The following ALK variants were observed in gnomAD, a reference collection of about 807,000 sequenced individuals.
ALK encodes ALK receptor tyrosine kinase.
Under a neutral mutation model 163.1 loss-of-function variants are expected in ALK, and 74 were observed. The ratio of observed to expected loss-of-function variants is 0.45; its 90% CI spans 0.38 to 0.55. The LOEUF (loss-of-function observed/expected upper bound fraction) is 0.55, where lower values mean the gene tolerates loss of function less well. Among genes scored for constraint, ALK ranks in the 20% least tolerant of loss-of-function variants. The pLI, the probability that ALK is intolerant of heterozygous loss-of-function variation, is 0.00. For missense variants in ALK, 2,063 were observed against 2,105.3 expected (o/e 0.98, Z 0.39); for synonymous variants, 960 against 843.2 (o/e 1.14, Z -2.40).
intron 11 of ALK, among the ~76,000 whole-genome samples, chr2:29,258,339 C>T (rs983423373): frequency 1.3e-5 from 2 of 152,128 alleles, no homozygotes; most frequent in Non-Finnish European, 2.9e-5. Context: ...ATCATGTTAG[C>T]ACTTATCAAA....
chr2:29,759,416 A>AGTGCATGTGTGT (rs1680637655), intron 1 of ALK, among the ~76,000 whole-genome samples: 1 of 152,132 alleles, frequency 6.6e-6, no homozygotes, highest in Non-Finnish European at 1.5e-5. Flanking sequence ...TGGGCATGCA[A>AGTGCATGTGTGT]GTGCATGTGT....
chr2:29,565,093 C>CTAA (rs1553332967), intron 3 of ALK, among the ~76,000 whole-genome samples: 1 of 152,224 alleles, frequency 6.6e-6, no homozygotes, highest in Non-Finnish European at 1.5e-5. Flanking sequence ...GGAGAAGGGA[C>CTAA]TAATGTACAA....
chr2:29,669,465 T>C (rs1045683046), intron 3 of ALK, among the ~76,000 whole-genome samples: 4 of 152,086 alleles, frequency 2.6e-5, no homozygotes, highest in Admixed American at 6.6e-5. Flanking sequence ...TTTTCACCCC[T>C]TCACTTTCAG....
At chr2:29,844,643 A>AGGAGACT (rs1248963242) in intron 1 of ALK, among the ~76,000 whole-genome samples, 17 of 152,208 alleles carry the variant, frequency 1.1e-4, no homozygotes, top group African/African-American at 4.1e-4. Context: ...TTCTTAGGGG[A>AGGAGACT]GGAGACTGGA....
intron 1 of ALK, among the ~76,000 whole-genome samples, chr2:29,736,461 T>C (rs116482332): frequency 0.016 from 2,427 of 152,116 alleles, 80 homozygotes; most frequent in African/African-American, 0.055. Flanking sequence ...ATTTTGACAG[T>C]GTATTTTAAA....
chr2:29,323,151 G>T (rs1175435786), intron 6 of ALK, among the ~76,000 whole-genome samples: 4 of 152,202 alleles, frequency 2.6e-5, no homozygotes, highest in Non-Finnish European at 5.9e-5. Context: ...GGCAGTATTA[G>T]TGTCTATTTT....
chr2:29,346,675 A>G (rs1262869614), intron 5 of ALK, among the ~76,000 whole-genome samples: 1 of 152,248 alleles, frequency 6.6e-6, no homozygotes, highest in African/African-American at 2.4e-5. Flanking sequence ...GTCCCGTCTT[A>G]TGCCAGATTT....
At chr2:29,360,406 C>A (rs563192985) in intron 5 of ALK, among the ~76,000 whole-genome samples, 6 of 152,294 alleles carry the variant, frequency 3.9e-5, no homozygotes, top group Admixed American at 6.5e-5. Flanking sequence ...CCTGGTCTAG[C>A]CTCTGTGTAG....
intron 4 of ALK, among the ~76,000 whole-genome samples, chr2:29,413,053 C>T (rs879547041): frequency 4.4e-4 from 67 of 152,324 alleles, no homozygotes; most frequent in Admixed American, 2.0e-3. Context: ...TTTCCACCTT[C>T]GTAGTCCTTA....
chr2:29,201,445 C>T (rs1360646868), intron 26 of ALK, among the ~76,000 whole-genome samples: 2 of 152,150 alleles, frequency 1.3e-5, no homozygotes, highest in Non-Finnish European at 2.9e-5. Context: ...ATCCCACACC[C>T]CTCCACTTCC....
At chr2:29,445,455 T>C (rs922602322) in intron 4 of ALK, among the ~76,000 whole-genome samples, 3 of 152,184 alleles carry the variant, frequency 2.0e-5, no homozygotes, top group Non-Finnish European at 4.4e-5. Flanking sequence ...CCAGAGCCAA[T>C]AGGGGGTTCC....
intron 11 of ALK, among the ~76,000 whole-genome samples, chr2:29,274,871 T>C (rs540273334): frequency 6.6e-6 from 1 of 152,328 alleles, no homozygotes; most frequent in South Asian, 2.1e-4. Context: ...TCCCTAGGCA[T>C]AGAGGAAGCT....
At chr2:29,584,592 C>G (rs555811855) in intron 3 of ALK, among the ~76,000 whole-genome samples, 6 of 152,210 alleles carry the variant, frequency 3.9e-5, no homozygotes, top group South Asian at 4.1e-4. Context: ...CCTCCCTCAT[C>G]ATCGGCAGTC....
intron 3 of ALK, among the ~76,000 whole-genome samples, chr2:29,662,358 G>A (rs545273916): frequency 3.9e-5 from 6 of 152,218 alleles, no homozygotes; most frequent in Admixed American, 3.9e-4. Flanking sequence ...CAAACTCCCA[G>A]GTGCTCATGG....
chr2:29,837,659 A>T (rs1665595825), intron 1 of ALK, among the ~76,000 whole-genome samples: 1 of 152,212 alleles, frequency 6.6e-6, no homozygotes, highest in African/African-American at 2.4e-5. Context: ...TCATCTCTTT[A>T]AAAGCTTAAA....
chr2:29,228,177 C>T (rs968634395), intron 16 of ALK, among the ~76,000 whole-genome samples: 1 of 152,194 alleles, frequency 6.6e-6, no homozygotes, highest in Non-Finnish European at 1.5e-5. Flanking sequence ...CTCCTCCCAC[C>T]CACCCAGCTT....
intron 4 of ALK, among the ~76,000 whole-genome samples, chr2:29,441,837 C>T (rs1167513139): frequency 6.6e-6 from 1 of 152,182 alleles, no homozygotes; most frequent in African/African-American, 2.4e-5. Flanking sequence ...AGGAATGTTC[C>T]TCTGCAGCCC....
chr2:29,690,341 G>A (rs1052117631), intron 3 of ALK, among the ~76,000 whole-genome samples: 2 of 152,162 alleles, frequency 1.3e-5, no homozygotes, highest in Admixed American at 1.3e-4. Context: ...GGAGAGAGTT[G>A]AGCTGTTCCA....
chr2:29,715,894 C>A (rs1272527934), intron 2 of ALK, among the ~76,000 whole-genome samples: 1 of 152,192 alleles, frequency 6.6e-6, no homozygotes, highest in Non-Finnish European at 1.5e-5. Flanking sequence ...TTCTCTCCTG[C>A]AAGGGCTGCT....
Sources: gnomAD v4.1 joint callset for allele counts (sites outside exome capture counted in the v4.1 genomes callset) on GRCh38, gnomAD v4.1.1 for gene constraint, MANE v1.5 for transcripts, NCBI Gene and HGNC (gene_info 2026-07-23, HGNC 2026-07-21) for gene names.